The following CYRIA variants were observed in gnomAD, a reference collection of about 807,000 sequenced individuals.
CYRIA encodes the protein CYFIP related Rac1 interactor A, also known as CYFIP-related Rac1 interactor A.
A neutral mutation model predicts 43.9 loss-of-function variants in CYRIA; 15 were observed. That is an observed-to-expected ratio of 0.34 (90% CI 0.23 to 0.53). CYRIA has a LOEUF of 0.53. Among genes scored for constraint, CYRIA ranks in the 20% least tolerant of loss-of-function variants. The pLI is 0.94. For missense variants in CYRIA, 236 were observed against 394.2 expected (o/e 0.60, Z 3.40); for synonymous variants, 117 against 136.0 (o/e 0.86, Z 0.97).
At chr2:16,600,856 G>C (rs551712665) in intron 2 of CYRIA, among the ~76,000 whole-genome samples, 1 of 152,250 alleles carries the variant, frequency 6.6e-6, no homozygotes, top group Non-Finnish European at 1.5e-5. Flanking sequence ...TAAAAAGGAG[G>C]TTCGAATGGC....
chr2:16,582,437 C>A (rs1018358951), intron 3 of CYRIA, among the ~76,000 whole-genome samples: 1 of 152,120 alleles, frequency 6.6e-6, no homozygotes, highest in Non-Finnish European at 1.5e-5. Flanking sequence ...GTTGTGCAAC[C>A]ATCATTACAA....
intron 1 of CYRIA, among the ~76,000 whole-genome samples, chr2:16,646,721 A>C (rs1223246898): frequency 6.6e-6 from 1 of 152,240 alleles, no homozygotes; most frequent in Non-Finnish European, 1.5e-5. Context: ...GGAAGAAATT[A>C]ACATTTAAAT....
intron 10 of CYRIA, among the ~76,000 whole-genome samples, chr2:16,556,606 C>T (rs571208175): frequency 3.9e-5 from 6 of 152,150 alleles, no homozygotes; most frequent in South Asian, 4.2e-4. Flanking sequence ...AGTGTGAATT[C>T]GACAGCATGT....
chr2:16,623,516 T>C (rs1669064988), intron 2 of CYRIA, among the ~76,000 whole-genome samples: 2 of 152,200 alleles, frequency 1.3e-5, no homozygotes, highest in Admixed American at 6.5e-5. Flanking sequence ...CCATCTCAGA[T>C]TGGCTACCAA....
At position 16,650,980 on chromosome 2, in the gene CYRIA, G is replaced by A. The variant is rs181782221; in HGVS notation, c.-167+14800C>T. 4.6e-4 allele frequency among the ~76,000 whole-genome samples: 70 copies of A among 152,158 alleles called. No individual in the cohort carries two copies. The highest frequency in any genetic ancestry group is 8.7e-4 in the Non-Finnish European group (59 of 67,974). On this transcript the variant is annotated intron_variant, in intron 1 of 11. Coordinates refer to ENST00000381323, the MANE Select transcript of CYRIA (RefSeq NM_030797.4). The surrounding 1 kb of genome is among the most constrained non-coding windows in gnomAD (Gnocchi z 4.1). ...AAAAAACATTCCATTCAACGGGGGC[G>A]AGTGAGTCACCATAATCATTTATTT... is the stretch of plus-strand genomic sequence containing the variant.
chr2:16,629,561 C>T (rs569659632), intron 1 of CYRIA, among the ~76,000 whole-genome samples: 6 of 152,294 alleles, frequency 3.9e-5, no homozygotes, highest in Non-Finnish European at 7.3e-5. Context: ...CATAGGACCT[C>T]GAGGCCAGGG....
In CYRIA at chr2:16,561,248, C is replaced by A. The variant is rs749758901; in HGVS notation, c.543G>T (p.Glu181Asp). ...HLDIENEVNN[E>D]MANRMSLFYA... ...AGAAGAGGGACATTCGATTGGCCATCTCATTATTGACTTCATTCTCAATGT... is the reference window on the plus strand; with the variant it reads ...AGAAGAGGGACATTCGATTGGCCATATCATTATTGACTTCATTCTCAATGT... The change falls in exon 8 of 12, where the codon GAG becomes GAT. Residue 181 changes from glutamate to aspartate, a missense_variant. Coordinates refer to ENST00000381323, the MANE Select transcript of CYRIA (RefSeq NM_030797.4). The A allele has an allele frequency of 6.2e-7, 1 of 1,613,392 alleles. No homozygotes were observed. The highest frequency in any genetic ancestry group is 8.5e-7 in the Non-Finnish European group (1 of 1,179,544).
chr2:16,640,373 T>G (rs1669637929), intron 1 of CYRIA, among the ~76,000 whole-genome samples: 1 of 152,148 alleles, frequency 6.6e-6, no homozygotes, highest in Non-Finnish European at 1.5e-5. Context: ...CTGAAATCAG[T>G]GATGATACCA....
intron 3 of CYRIA, among the ~76,000 whole-genome samples, chr2:16,581,745 T>C (rs1380231533): frequency 6.6e-6 from 1 of 152,146 alleles, no homozygotes; most frequent in Non-Finnish European, 1.5e-5. Flanking sequence ...ACAAATATTC[T>C]ACAAGAATGT....
chr2:16,624,235 G>T (rs1020512368), intron 1 of CYRIA, among the ~76,000 whole-genome samples: 3 of 152,196 alleles, frequency 2.0e-5, no homozygotes, highest in African/African-American at 7.2e-5. Context: ...TCAGCAGTTT[G>T]GGAGTTGAAT....
At chr2:16,607,748 C>T (rs1168547311) in intron 2 of CYRIA, among the ~76,000 whole-genome samples, 1 of 152,084 alleles carries the variant, frequency 6.6e-6, no homozygotes, top group Non-Finnish European at 1.5e-5. Context: ...AGGTGTGTGC[C>T]ACCACACCTG....
At chr2:16,603,682 G>A (rs992019638) in intron 2 of CYRIA, among the ~76,000 whole-genome samples, 2 of 152,138 alleles carry the variant, frequency 1.3e-5, no homozygotes, top group Non-Finnish European at 2.9e-5. Flanking sequence ...AATTACATAC[G>A]CTTTCTCCTG....
At chr2:16,584,662 G>A (rs774847786) in intron 3 of CYRIA, among the ~76,000 whole-genome samples, 24 of 152,096 alleles carry the variant, frequency 1.6e-4, no homozygotes, top group Non-Finnish European at 2.9e-4. Context: ...CATTTCATCC[G>A]CCGTTTCTCT....
intron 3 of CYRIA, among the ~76,000 whole-genome samples, chr2:16,582,501 A>G (rs1011780146): frequency 6.6e-6 from 1 of 152,140 alleles, no homozygotes; most frequent in Non-Finnish European, 1.5e-5. Context: ...GCCCATTAGC[A>G]GCCACTCCTC....
At chr2:16,578,310 C>T (rs1414334615) in intron 3 of CYRIA, among the ~76,000 whole-genome samples, 1 of 152,124 alleles carries the variant, frequency 6.6e-6, no homozygotes, top group Admixed American at 6.6e-5. Flanking sequence ...TCACATCAGT[C>T]ATCACTGTTC....
chr2:16,622,612 A>G (rs1320761019), intron 2 of CYRIA, among the ~76,000 whole-genome samples: 1 of 152,218 alleles, frequency 6.6e-6, no homozygotes, highest in African/African-American at 2.4e-5. Flanking sequence ...ACCAGCTTAT[A>G]ACATGGAGTG....
intron 1 of CYRIA, among the ~76,000 whole-genome samples, chr2:16,628,657 A>T (rs1338070856): frequency 1.3e-5 from 2 of 152,246 alleles, no homozygotes; most frequent in Non-Finnish European, 2.9e-5. Context: ...CTGGGACAAC[A>T]GGCAGACACC....
chr2:16,561,425 G>A, intron 7 of CYRIA, 31 bp downstream of exon 7: 1 of 1,599,588 alleles, frequency 6.3e-7, no homozygotes. Flanking sequence ...ATGGAGAAGG[G>A]TGCAAAGGTC....
chr2:16,601,440 A>G (rs1668202640), intron 2 of CYRIA, among the ~76,000 whole-genome samples: 1 of 152,128 alleles, frequency 6.6e-6, no homozygotes, highest in Admixed American at 6.6e-5. Context: ...TAGGTTATTC[A>G]ATTTTTTTCC....
Sources: allele counts gnomAD v4.1 joint callset (sites outside exome capture counted in the v4.1 genomes callset), GRCh38; gene constraint gnomAD v4.1.1; non-coding constraint Gnocchi (gnomAD v3.1); transcripts MANE v1.5; gene names NCBI Gene and HGNC (gene_info 2026-07-23, HGNC 2026-07-21).